Variants in PDXK observed in about 807,000 individuals in gnomAD.
The protein encoded by PDXK is pyridoxal kinase.
PDXK carries 15 observed loss-of-function variants against 43.2 expected under a neutral mutation model. The observed-to-expected ratio is 0.35, with a 90% CI of 0.23 to 0.53. The LOEUF (loss-of-function observed/expected upper bound fraction) is 0.53. PDXK is among the 20% of genes least tolerant of loss of function. PDXK has a pLI of 0.92. For missense variants in PDXK, 343 were observed against 417.0 expected, an observed-to-expected ratio of 0.82 and a Z score of 1.54; for synonymous variants, 172 against 165.4, an observed-to-expected ratio of 1.04 and a Z score of -0.31.
At position 43,758,098 on chromosome 21, in the gene PDXK, G is replaced by A. The variant is rs756028966; in HGVS notation, c.*2035G>A. On this transcript the variant is annotated 3_prime_UTR_variant, in exon 11 of 11. Transcript: ENST00000291565. ...ACCCAGCATGAGAACGCAGTGTCAG[G>A]TGTGGGACTCCTTCTGCCCCTGCAG... 2 of 153,600 alleles carry A rather than the reference G, an allele frequency of 1.3e-5. No individual in the cohort carries two copies. Among genetic ancestry groups the A allele is most frequent in the African/African-American group, 2.4e-5 (1 of 41,376 alleles). 9.5% of individuals were successfully genotyped at this position (153,600 alleles called of 1,614,324 possible).
At chr21:43,746,155 G>A (rs1331572637) in intron 5 of PDXK, 30 bp downstream of exon 5, 1 of 1,569,164 alleles carries the variant, frequency 6.4e-7, no homozygotes, top group South Asian at 1.1e-5. Flanking sequence ...TGATTTAAAA[G>A]TGTGGTGAGT....
At chr21:43,753,040 G>A (rs2083781154) in intron 8 of PDXK, among the ~76,000 whole-genome samples, 1 of 152,220 alleles carries the variant, frequency 6.6e-6, no homozygotes. Flanking sequence ...GGGCCCAAAA[G>A]AACAGCTGTG....
At chr21:43,738,190 C>G (rs1423146436) in intron 2 of PDXK, 2 of 271,346 alleles carry the variant, frequency 7.4e-6, no homozygotes, top group African/African-American at 4.6e-5. Flanking sequence ...CATCAGGGCT[C>G]TGGGTGGGCC....
chr21:43,722,681 G>C (rs575173812), intron 1 of PDXK, among the ~76,000 whole-genome samples: 1 of 152,058 alleles, frequency 6.6e-6, no homozygotes, highest in African/African-American at 2.4e-5. Context: ...CCAGGCTTCT[G>C]GGGCTCACGG....
intron 6 of PDXK, among the ~76,000 whole-genome samples, chr21:43,749,943 T>C (rs955065806): frequency 3.9e-5 from 6 of 152,122 alleles, no homozygotes; most frequent in East Asian, 1.9e-4. Context: ...CCCAGTGCCA[T>C]GAAGAGTGGA....
intron 1 of PDXK, among the ~76,000 whole-genome samples, chr21:43,726,244 G>T (rs559465260): frequency 6.6e-6 from 1 of 151,438 alleles, no homozygotes; most frequent in South Asian, 2.1e-4. Context: ...AGAACTTATC[G>T]GTCCCGTTTT....
chr21:43,746,117 G>A lies in PDXK; in HGVS notation c.370G>A (p.Gly124Ser). 6.8e-6 allele frequency: 11 copies of A among 1,613,160 alleles called. No homozygotes were observed. The highest frequency in any genetic ancestry group is 9.3e-6 in the Non-Finnish European group (11 of 1,179,058). ...PVLGDKWDGE[G>S]SMYVPEDLLP... Reference sequence around the variant, plus strand: ...CTTGGGTGACAAGTGGGACGGCGAAGGCTCGATGGTGAGTAGTTTCACGTG... The same window carrying A: ...CTTGGGTGACAAGTGGGACGGCGAAAGCTCGATGGTGAGTAGTTTCACGTG... Residue 124 changes from glycine (G) to serine (S), a missense_variant, in exon 5 of 11, where the codon GGC becomes AGC. Transcript: ENST00000291565.
Position 43,754,305 on chromosome 21 carries a change from T to A in PDXK, c.759+586T>A, listed in dbSNP as rs1238475488. 1.3e-5 allele frequency among the ~76,000 whole-genome samples: 2 copies of A among 151,354 alleles called. No individual in the cohort carries two copies. The highest frequency in any genetic ancestry group is 2.9e-5 in the Non-Finnish European group (2 of 67,862). On this transcript the variant is annotated intron_variant, in intron 9 of 10. Coordinates refer to ENST00000291565, the MANE Select transcript of PDXK (RefSeq NM_003681.5). The surrounding 1 kb of genome is among the most constrained non-coding windows in gnomAD (Gnocchi z 5.5). ...GGCTTTGCTTAGACAGTGGGGGGAGTGGGACTGTTGGGCAACTGACATGGC... is the reference window on the plus strand; with the variant it reads ...GGCTTTGCTTAGACAGTGGGGGGAGAGGGACTGTTGGGCAACTGACATGGC...
rs1412449301 is a variant in PDXK at position 43,737,752 on chromosome 21, G to C, written c.142+3629G>C. 1 of 985,270 alleles carries C rather than the reference G, an allele frequency of 1.0e-6. No homozygotes were observed. Among genetic ancestry groups the C allele is most frequent in the Non-Finnish European group, 1.2e-6 (1 of 829,882 alleles). 61.0% of individuals were successfully genotyped at this position (985,270 alleles called of 1,614,324 possible). On this transcript the variant is annotated intron_variant, in intron 2 of 10. Transcript: ENST00000291565. The surrounding 1 kb of genome is among the most constrained non-coding windows in gnomAD (Gnocchi z 4.8). ...ACGGACACCAGCGAGGGGCCAGGCC[G>C]GGCCAGACTCCCTGGCCGGCTGGGA...
chr21:43,743,624 C>T (rs2083585239), intron 3 of PDXK, 100 bp from the exon 4 acceptor site: 1 of 830,898 alleles, frequency 1.2e-6, no homozygotes, highest in Non-Finnish European at 2.0e-6. Context: ...TCCCCAGCCA[C>T]CCCTCTGCAG....
chr21:43,725,609 A>G (rs946238073), intron 1 of PDXK, among the ~76,000 whole-genome samples: 1 of 152,120 alleles, frequency 6.6e-6, no homozygotes, highest in African/African-American at 2.4e-5. Context: ...CAGGAGTTCG[A>G]GACCAGCCTG....
rs1215140036 is a variant in PDXK, at chr21:43,726,917, G to A, written c.88-7152G>A. Among the ~76,000 whole-genome samples the A allele has an allele frequency of 4.6e-5, 7 of 152,164 alleles. No individual in the cohort carries two copies. In the East Asian group the frequency reaches 1.3e-3, roughly 29 times the overall value. ...TGGCATGCATGTGTGCATGTGGGAT[G>A]CATGTGTATGGGGCATGTGTGCATG... On this transcript the variant is annotated intron_variant, in intron 1 of 10. Coordinates refer to ENST00000291565, the MANE Select transcript of PDXK (RefSeq NM_003681.5).
rs1366837229 is a variant in PDXK, at chr21:43,737,117, G to T, written c.142+2994G>T. ...CCACCTCCTGCCCAGGGTTGTTACT[G>T]GGGTGGTCACGTGGGCAGCTTCTGC... On this transcript the variant is annotated intron_variant, in intron 2 of 10. Transcript: ENST00000291565. This position sits in a 1 kb window ranked among gnomAD's most constrained non-coding sequence, Gnocchi z 4.8. 2 of 1,097,050 alleles carry T rather than the reference G, an allele frequency of 1.8e-6. No homozygotes were observed. Among genetic ancestry groups the T allele is most frequent in the Admixed American group, 4.0e-5 (2 of 49,452 alleles). The allele number at this position is 1,097,050 out of a possible 1,614,324, so 68.0% of individuals were successfully genotyped here. A position where few individuals can be genotyped will look rare whatever the true frequency, so the allele number is the denominator to read the frequency against.
chr21:43,753,541 G>C, intron 8 of PDXK, 42 bp from the exon 9 acceptor site: 1 of 1,580,728 alleles, frequency 6.3e-7, no homozygotes, highest in Non-Finnish European at 8.6e-7. Flanking sequence ...CCTGGCAGAG[G>C]AGCGGCAGAT....
At chr21:43,727,743 C>G (rs2083268803) in intron 1 of PDXK, among the ~76,000 whole-genome samples, 1 of 152,198 alleles carries the variant, frequency 6.6e-6, no homozygotes, top group Non-Finnish European at 1.5e-5. Flanking sequence ...CAGGGAGGAA[C>G]AGCATCCAGG....
intron 1 of PDXK, among the ~76,000 whole-genome samples, chr21:43,727,172 G>T (rs891619152): frequency 1.1e-4 from 16 of 152,358 alleles, no homozygotes; most frequent in African/African-American, 3.4e-4. Context: ...ATTGTGGCTT[G>T]TTGGCCTTGG....
In PDXK at chr21:43,741,458, G is replaced by A. The variant is rs112060928; in HGVS notation, c.143-209G>A. On this transcript the variant is annotated intron_variant, in intron 2 of 10. Transcript: ENST00000291565. ...GGGGCTCGCGGGGGGGCTCGCGGGGGGCTCGCGGGGGGCTCGAGGCGTCCC... is the reference window on the plus strand; with the variant it reads ...GGGGCTCGCGGGGGGGCTCGCGGGGAGCTCGCGGGGGGCTCGAGGCGTCCC... 338 of 580,992 alleles carry A rather than the reference G, an allele frequency of 5.8e-4. 11 individuals carry two copies. Among genetic ancestry groups the A allele is most frequent in the Non-Finnish European group, 7.2e-4 (306 of 427,736 alleles). The allele number at this position is 580,992 out of a possible 1,614,324, so 36.0% of individuals were successfully genotyped here.
chr21:43,719,348 C>T lies in PDXK; in HGVS notation c.54C>T (p.Tyr18=). 6.6e-7 allele frequency: 1 copy of T among 1,525,918 alleles called. No individual in the cohort carries two copies. Among genetic ancestry groups the T allele is most frequent in the Non-Finnish European group, 8.8e-7 (1 of 1,137,918 alleles). 94.5% of individuals were successfully genotyped at this position (1,525,918 alleles called of 1,614,324 possible). ...LSIQSHVIRG[Y]VGNRAATFPL... is the part of the protein sequence containing the mutation. ...TACAGAGCCACGTCATCCGCGGCTA[C>T]GTGGGCAACCGGGCGGCCACGTTCC... The change falls in exon 1 of 11, where the codon TAC becomes TAT. Residue 18 remains tyrosine, a synonymous_variant. Coordinates refer to ENST00000291565, the MANE Select transcript of PDXK (RefSeq NM_003681.5).
In PDXK at chr21:43,737,917, CCATCCCA is replaced by C. The variant is rs2083432235; in HGVS notation, c.143-3740_143-3734del. 1.0e-6 allele frequency: 1 copy of C among 985,494 alleles called. No individual in the cohort carries two copies. The highest frequency in any genetic ancestry group is 1.7e-5 in the African/African-American group (1 of 57,374). The allele number at this position is 985,494 out of a possible 1,614,324, so 61.0% of individuals were successfully genotyped here. ...GAGAAGGTTCTTGTGGGCTCTGGGC[CCATCCCA>C]CATCCCACAGTGGGCAGGAGGCCAC... On this transcript the variant is annotated intron_variant, in intron 2 of 10. Coordinates refer to ENST00000291565, the MANE Select transcript of PDXK (RefSeq NM_003681.5). The surrounding 1 kb of genome is among the most constrained non-coding windows in gnomAD (Gnocchi z 4.8).
Sources: gnomAD v4.1 joint callset for allele counts (sites outside exome capture counted in the v4.1 genomes callset) on GRCh38, gnomAD v4.1.1 for gene constraint, Gnocchi (gnomAD v3.1) non-coding constraint, MANE v1.5 for transcripts, NCBI Gene and HGNC (gene_info 2026-07-23, HGNC 2026-07-21) for gene names.